Variants in GANC observed in about 807,000 individuals in gnomAD.
The protein encoded by GANC is glucosidase alpha, neutral C, also known as neutral alpha-glucosidase C.
Under a neutral mutation model 124.2 loss-of-function variants are expected in GANC, and 117 were observed. That is an observed-to-expected ratio of 0.94 (90% CI 0.81 to 1.10). The LOEUF (loss-of-function observed/expected upper bound fraction) is 1.10. Among genes scored for constraint, GANC ranks in the 50% least tolerant of loss-of-function variants. GANC has a pLI of 0.00. For synonymous variants in GANC, 377 were observed against 376.8 expected, an observed-to-expected ratio of 1.00 and a Z score of -0.01; for missense variants, 1,140 against 1,095.0, an observed-to-expected ratio of 1.04 and a Z score of -0.58.
intron 20 of GANC, 110 bp from the exon 21 acceptor site, chr15:42,347,993 C>T: frequency 1.6e-6 from 1 of 617,230 alleles, no homozygotes; most frequent in Non-Finnish European, 2.6e-6. Context: ...ATTTTGCCTA[C>T]AAATCCGTAC....
At chr15:42,307,346 T>TC (rs1392757752) in intron 7 of GANC, among the ~76,000 whole-genome samples, 1 of 150,820 alleles carries the variant, frequency 6.6e-6, no homozygotes, top group Non-Finnish European at 1.5e-5. Flanking sequence ...TCTTTTTTTT[T>TC]TTTTTGAGGC....
At chr15:42,289,848 G>T (rs1243496661) in intron 4 of GANC, among the ~76,000 whole-genome samples, 1 of 152,166 alleles carries the variant, frequency 6.6e-6, no homozygotes, top group African/African-American at 2.4e-5. Context: ...AAAATGGGAT[G>T]ATTAGGGTAG....
intron 15 of GANC, among the ~76,000 whole-genome samples, chr15:42,337,314 ATGAGATATCTTGCC>A (rs2052290377): frequency 6.6e-6 from 1 of 152,218 alleles, no homozygotes; most frequent in Admixed American, 6.5e-5. Flanking sequence ...ATAAAAAGGA[ATGAGATATCTTGCC>A]TGTGATCTGG....
chr15:42,282,981 C>T (rs2051748926), intron 3 of GANC, among the ~76,000 whole-genome samples: 1 of 152,218 alleles, frequency 6.6e-6, no homozygotes, highest in Non-Finnish European at 1.5e-5. Flanking sequence ...TAATCCATTC[C>T]TGAGGACTTC....
intron 1 of GANC, among the ~76,000 whole-genome samples, chr15:42,275,366 C>T (rs1183606468): frequency 6.6e-6 from 1 of 152,126 alleles, no homozygotes; most frequent in Non-Finnish European, 1.5e-5. Flanking sequence ...AGAGCGAGAT[C>T]CTGTCTCAAA....
intron 15 of GANC, 54 bp from the exon 16 acceptor site, chr15:42,338,335 A>T: frequency 8.0e-7 from 1 of 1,250,384 alleles, no homozygotes; most frequent in Non-Finnish European, 1.2e-6. Context: ...TACATAGGAA[A>T]TTGAACGCAT....
intron 6 of GANC, among the ~76,000 whole-genome samples, chr15:42,302,436 A>G (rs8040720): frequency 0.92 from 140,079 of 152,190 alleles, 65,512 homozygotes; most frequent in Non-Finnish European, 1. Flanking sequence ...AAACCAGAAC[A>G]CCTCTTCTCC....
intron 4 of GANC, among the ~76,000 whole-genome samples, chr15:42,290,860 T>G (rs1358571408): frequency 2.6e-5 from 4 of 151,584 alleles, no homozygotes; most frequent in Non-Finnish European, 5.9e-5. Context: ...TTGGGAAGAG[T>G]TGGGTAATTC....
intron 6 of GANC, among the ~76,000 whole-genome samples, chr15:42,304,728 C>A (rs1042442480): frequency 6.6e-6 from 1 of 152,162 alleles, no homozygotes; most frequent in African/African-American, 2.4e-5. Context: ...TACAAGGATA[C>A]AGTAACCAAA....
intron 6 of GANC, among the ~76,000 whole-genome samples, chr15:42,301,561 TG>T (rs2051946489): frequency 6.6e-6 from 1 of 151,944 alleles, no homozygotes. Context: ...TCTAGCTCAG[TG>T]GATCCCACCC....
chr15:42,287,904 T>A (rs2051806603), intron 4 of GANC, 86 bp downstream of exon 4: 2 of 1,385,232 alleles, frequency 1.4e-6, no homozygotes, highest in South Asian at 2.8e-5. Flanking sequence ...TATGTGCACT[T>A]CTTATTTTGG....
intron 11 of GANC, among the ~76,000 whole-genome samples, chr15:42,326,038 G>T (rs2052195774): frequency 6.6e-6 from 1 of 152,224 alleles, no homozygotes; most frequent in Non-Finnish European, 1.5e-5. Flanking sequence ...GATTGCAGGT[G>T]TGAGCCGCTG....
chr15:42,306,339 AGCTATG>A (rs2051995156), intron 6 of GANC, among the ~76,000 whole-genome samples: 1 of 152,248 alleles, frequency 6.6e-6, no homozygotes, highest in South Asian at 2.1e-4. Context: ...TATTTATGTC[AGCTATG>A]GCCCATAAAG....
In GANC at chr15:42,274,456, G is replaced by A; in HGVS notation, c.-26G>A. The A allele has an allele frequency of 6.2e-7, 1 of 1,608,822 alleles. No homozygotes were observed. ...CCAGGGCCCTTGTCCTGAGAGCTGG[G>A]AGCTGGTCGGAGTGACAGAGAAGCC... On this transcript the variant is annotated 5_prime_UTR_variant, in exon 1 of 24. Coordinates refer to ENST00000318010, the MANE Select transcript of GANC (RefSeq NM_198141.3).
At chr15:42,319,062 T>C (rs184916109) in intron 10 of GANC, among the ~76,000 whole-genome samples, 66 of 152,302 alleles carry the variant, frequency 4.3e-4, no homozygotes, top group Non-Finnish European at 3.7e-4. Context: ...CTTTTCCTTT[T>C]TTGCCTAGTT....
chr15:42,344,120 A>G (rs1352422282), intron 19 of GANC, among the ~76,000 whole-genome samples: 1 of 152,202 alleles, frequency 6.6e-6, no homozygotes, highest in Admixed American at 6.5e-5. Context: ...CTCCCTCAAC[A>G]TAGCTTTACA....
At chr15:42,278,731 C>A in intron 3 of GANC, 141 bp downstream of exon 3, 1 of 584,080 alleles carries the variant, frequency 1.7e-6, no homozygotes, top group Non-Finnish European at 3.0e-6. Flanking sequence ...TAGTGGCTCA[C>A]GCCTGTAATC....
Position 42,284,196 on chromosome 15 carries a change from G to A in GANC, c.202-3495G>A, listed in dbSNP as rs145892338. On this transcript the variant is annotated intron_variant, in intron 3 of 23. Transcript: ENST00000318010. The stretch of plus-strand genomic sequence containing the variant: ...ATAATTTTCCTACTTAACACCCACT[G>A]CAAATTTAAATATGTGTTCTAGGGC... 1.4e-3 allele frequency: 860 copies of A among 594,832 alleles called. 6 individuals carry two copies. Among genetic ancestry groups the A allele is most frequent in the African/African-American group, 0.014 (770 of 53,850 alleles). 36.8% of individuals were successfully genotyped at this position (594,832 alleles called of 1,614,324 possible). A position where few individuals can be genotyped will look rare whatever the true frequency, so the allele number is the denominator to read the frequency against.
intron 10 of GANC, among the ~76,000 whole-genome samples, chr15:42,316,218 G>C (rs2052100101): frequency 6.6e-6 from 1 of 152,126 alleles, no homozygotes; most frequent in Non-Finnish European, 1.5e-5. Context: ...GGCTTAGTGG[G>C]TGTTGTCCCT....
Sources: allele counts gnomAD v4.1 joint callset (sites outside exome capture counted in the v4.1 genomes callset), GRCh38; gene constraint gnomAD v4.1.1; transcripts MANE v1.5; gene names NCBI Gene and HGNC (gene_info 2026-07-23, HGNC 2026-07-21).